STK39: variants seen among roughly 807,000 people sequenced by gnomAD.
The protein encoded by STK39 is STE20/SPS1-related proline-alanine-rich protein kinase.
A neutral mutation model predicts 77.8 loss-of-function variants in STK39; 20 were observed. The ratio of observed to expected loss-of-function variants is 0.26; its 90% confidence interval spans 0.18 to 0.37. The LOEUF (loss-of-function observed/expected upper bound fraction) is 0.37. Among genes scored for constraint, STK39 ranks in the 10% least tolerant of loss-of-function variants. The pLI is 1.00. For missense variants in STK39, 479 were observed against 656.5 expected (o/e 0.73, Z 2.95); for synonymous variants, 246 against 234.1 (o/e 1.05, Z -0.47).
chr2:168,040,258 A>G (rs1157211376), intron 14 of STK39, among the ~76,000 whole-genome samples: 1 of 152,226 alleles, frequency 6.6e-6, no homozygotes, highest in African/African-American at 2.4e-5. Context: ...AAAATAAAGG[A>G]AGAAAAAACT....
In STK39 at chr2:168,138,088, C is replaced by T; in HGVS notation, c.974G>A (p.Arg325Lys). 6.2e-7 allele frequency: 1 copy of T among 1,613,258 alleles called. No individual in the cohort carries two copies. The highest frequency in any genetic ancestry group is 8.5e-7 in the Non-Finnish European group (1 of 1,179,532). ...AACTCATCCACTAAGTTTCACTTAC[C>T]TTTTGGAAGGATCTTTCTGAAGACA... ...SLCLQKDPSK[R>K]PTAAELLKCK... Residue 325 changes from arginine to lysine, a missense_variant and splice_region_variant, in exon 8 of 18, where the codon AGG becomes AAG. Physicochemically the swap from Arg to Lys is conservative, Grantham distance 26. This residue lies in a region of STK39 where 244 missense variants were observed against 296.8 expected (regional missense o/e 0.82). Coordinates refer to ENST00000355999, the MANE Select transcript of STK39 (RefSeq NM_013233.3).
At chr2:168,109,235 A>T (rs922326347) in intron 10 of STK39, among the ~76,000 whole-genome samples, 1 of 152,248 alleles carries the variant, frequency 6.6e-6, no homozygotes, top group Admixed American at 6.5e-5. Context: ...AGTCACTACC[A>T]TGAATTTTGT....
rs550059849 is a variant in STK39, at chr2:168,063,728, G to C, written c.1306-158C>G. Reference sequence around the variant, plus strand: ...TTCTTTGGCATCGTAACACCTCCATGTAAAGGTTGTAATGGTGCCTAATTC... The same window carrying C: ...TTCTTTGGCATCGTAACACCTCCATCTAAAGGTTGTAATGGTGCCTAATTC... On this transcript the variant is annotated intron_variant, in intron 13 of 17. Coordinates refer to ENST00000355999, the MANE Select transcript of STK39 (RefSeq NM_013233.3). 5.3e-5 allele frequency among the ~76,000 whole-genome samples: 8 copies of C among 152,304 alleles called. No individual in the cohort carries two copies. The East Asian group carries it at 1.4e-3, about 26-fold the overall frequency.
At chr2:168,233,009 C>T (rs1690499856) in intron 1 of STK39, among the ~76,000 whole-genome samples, 1 of 152,072 alleles carries the variant, frequency 6.6e-6, no homozygotes, top group Admixed American at 6.5e-5. Flanking sequence ...AACTGAGAGG[C>T]TCATCATCTC....
intron 5 of STK39, among the ~76,000 whole-genome samples, chr2:168,158,614 T>C (rs970050600): frequency 6.6e-6 from 1 of 152,204 alleles, no homozygotes; most frequent in Non-Finnish European, 1.5e-5. Flanking sequence ...CCCATAGATG[T>C]GAGTTGACAG....
At chr2:167,983,518 T>C (rs1349968391) in intron 16 of STK39, among the ~76,000 whole-genome samples, 4 of 134,614 alleles carry the variant, frequency 3.0e-5, no homozygotes, top group African/African-American at 1.2e-4. Context: ...GGAAGGAAAT[T>C]ATAGGAAATA....
chr2:168,225,733 G>C (rs990518036), intron 1 of STK39, among the ~76,000 whole-genome samples: 8 of 152,102 alleles, frequency 5.3e-5, no homozygotes, highest in Non-Finnish European at 1.2e-4. Flanking sequence ...TTGCTGATTA[G>C]GGTGACATGT....
chr2:168,168,802 C>T (rs575164987), intron 2 of STK39, among the ~76,000 whole-genome samples: 1 of 152,228 alleles, frequency 6.6e-6, no homozygotes, highest in South Asian at 2.1e-4. Context: ...ACCAGCCCAG[C>T]CAACATGAGA....
intron 16 of STK39, among the ~76,000 whole-genome samples, chr2:168,007,768 C>T (rs1366826058): frequency 6.6e-6 from 1 of 152,056 alleles, no homozygotes; most frequent in Non-Finnish European, 1.5e-5. Context: ...GGAGAAGAGA[C>T]ATCTGAGAAG....
intron 5 of STK39, among the ~76,000 whole-genome samples, chr2:168,153,496 G>A (rs1688343709): frequency 6.6e-6 from 1 of 152,164 alleles, no homozygotes; most frequent in Non-Finnish European, 1.5e-5. Flanking sequence ...TCTAGGGTAG[G>A]AGAACACAAG....
chr2:168,092,128 G>A (rs537942861), intron 10 of STK39, among the ~76,000 whole-genome samples: 7 of 152,278 alleles, frequency 4.6e-5, no homozygotes, highest in African/African-American at 1.4e-4. Flanking sequence ...AACAAGCTCC[G>A]ATTTAGATGC....
intron 16 of STK39, among the ~76,000 whole-genome samples, chr2:168,010,445 T>C (rs1015362212): frequency 6.6e-6 from 1 of 152,242 alleles, no homozygotes; most frequent in African/African-American, 2.4e-5. Context: ...GTTGAATCAA[T>C]CTTTTTTCTC....
chr2:168,163,423 T>A (rs996043767), intron 4 of STK39, among the ~76,000 whole-genome samples: 6 of 152,256 alleles, frequency 3.9e-5, no homozygotes, highest in African/African-American at 1.4e-4. Flanking sequence ...GATTCCACTC[T>A]TATTTCAGTG....
rs577083146 is a variant in STK39, at chr2:168,034,586, T to G, written c.1377-17491A>C. Among the ~76,000 whole-genome samples, 8 of 152,328 alleles carry G rather than the reference T, an allele frequency of 5.3e-5. No individual in the cohort carries two copies. In the East Asian group the frequency reaches 1.5e-3, roughly 29 times the overall value. On this transcript the variant is annotated intron_variant, in intron 14 of 17. Transcript: ENST00000355999. ...AGACAGAGCACACATGGCACTGATG[T>G]TACACACTCTCCAGCATTCAGGAAC...
At chr2:168,239,575 C>T (rs1377263605) in intron 1 of STK39, among the ~76,000 whole-genome samples, 2 of 152,220 alleles carry the variant, frequency 1.3e-5, no homozygotes, top group African/African-American at 2.4e-5. Context: ...CCATCATTAA[C>T]CACGGGCAAG....
At chr2:168,076,910 C>G (rs79200035) in intron 10 of STK39, among the ~76,000 whole-genome samples, 15,294 of 152,130 alleles carry the variant, frequency 0.1, 1,475 homozygotes, top group African/African-American at 0.23. Context: ...TGCACTTCAG[C>G]ATTTGCAGAA....
chr2:167,983,251 G>A (rs1204446502), intron 16 of STK39, among the ~76,000 whole-genome samples: 3 of 151,944 alleles, frequency 2.0e-5, no homozygotes, highest in East Asian at 1.9e-4. Context: ...GGGCTGAGGC[G>A]GGTGGATCAC....
At chr2:168,121,057 T>C (rs1441881012) in intron 10 of STK39, among the ~76,000 whole-genome samples, 1 of 152,186 alleles carries the variant, frequency 6.6e-6, no homozygotes, top group Non-Finnish European at 1.5e-5. Flanking sequence ...GAATGACAAA[T>C]ACGCTCCCAT....
intron 2 of STK39, 115 bp from the exon 3 acceptor site, chr2:168,167,522 G>C: frequency 1.2e-6 from 1 of 816,852 alleles, no homozygotes; most frequent in Non-Finnish European, 2.0e-6. Flanking sequence ...CCTACCTGAG[G>C]GGCTGCCTAA....
Sources: gnomAD v4.1 joint callset for allele counts (sites outside exome capture counted in the v4.1 genomes callset) on GRCh38, gnomAD v4.1.1 for gene constraint, gnomAD v4.1.1 regional missense constraint, MANE v1.5 for transcripts, NCBI Gene and HGNC (gene_info 2026-07-23, HGNC 2026-07-21) for gene names.